REC114: variants seen among roughly 807,000 people sequenced by gnomAD.
REC114 encodes the protein meiotic recombination protein REC114.
REC114 carries 27 observed loss-of-function variants against 31.3 expected under a neutral mutation model. That is an observed-to-expected ratio of 0.86 (90% CI 0.64 to 1.19). REC114 has a LOEUF of 1.19. Ranked by LOEUF, REC114 falls within the 50% of genes most tolerant of loss-of-function variation. The pLI is 0.00. For synonymous variants in REC114, 134 were observed against 127.7 expected, an observed-to-expected ratio of 1.05 and a Z score of -0.33; for missense variants, 344 against 326.9, an observed-to-expected ratio of 1.05 and a Z score of -0.40.
intron 3 of REC114, among the ~76,000 whole-genome samples, chr15:73,542,946 C>G (rs1425081507): frequency 7.2e-6 from 1 of 138,144 alleles, no homozygotes; most frequent in Non-Finnish European, 1.6e-5. Context: ...GAAGTATACA[C>G]TTTTTTTTTT....
intron 2 of REC114, among the ~76,000 whole-genome samples, chr15:73,477,215 G>A (rs528533304): frequency 9.2e-4 from 140 of 152,096 alleles, no homozygotes; most frequent in Middle Eastern, 3.4e-3. Context: ...TCTTATATTC[G>A]AATTTAAAAA....
intron 2 of REC114, among the ~76,000 whole-genome samples, chr15:73,513,834 A>C (rs1012151749): frequency 1.9e-4 from 29 of 151,598 alleles, no homozygotes; most frequent in Admixed American, 3.3e-4. Context: ...TGGGAGAACC[A>C]CTGCTCTCTT....
At chr15:73,461,631 GAGA>G (rs1304373018) in intron 1 of REC114, among the ~76,000 whole-genome samples, 2 of 151,948 alleles carry the variant, frequency 1.3e-5, no homozygotes, top group Non-Finnish European at 2.9e-5. Context: ...TGTAAATTTT[GAGA>G]AGATTCTCTG....
intron 2 of REC114, among the ~76,000 whole-genome samples, chr15:73,536,831 A>T (rs535105105): frequency 2.6e-4 from 39 of 152,344 alleles, no homozygotes; most frequent in Non-Finnish European, 4.9e-4. Flanking sequence ...CCAAGAAATG[A>T]TACTGGTCCT....
chr15:73,480,296 A>G (rs1291842445), intron 2 of REC114, among the ~76,000 whole-genome samples: 1 of 151,420 alleles, frequency 6.6e-6, no homozygotes, highest in Non-Finnish European at 1.5e-5. Flanking sequence ...TTTGAAATGG[A>G]GTTTCGTTCT....
chr15:73,508,231 A>T (rs1893709636), intron 2 of REC114, among the ~76,000 whole-genome samples: 1 of 152,192 alleles, frequency 6.6e-6, no homozygotes, highest in Admixed American at 6.5e-5. Flanking sequence ...AATCAAAGGC[A>T]TAGAAATTAA....
intron 1 of REC114, among the ~76,000 whole-genome samples, chr15:73,460,119 G>T (rs1433560552): frequency 1.3e-5 from 2 of 152,028 alleles, no homozygotes; most frequent in Non-Finnish European, 2.9e-5. Flanking sequence ...TTTCCAACTT[G>T]GGACCAGTCT....
intron 1 of REC114, among the ~76,000 whole-genome samples, chr15:73,461,922 CTTT>C (rs961387922): frequency 9.0e-5 from 7 of 78,208 alleles, no homozygotes; most frequent in African/African-American, 2.0e-4. Flanking sequence ...TTTTTCTTTT[CTTT>C]TTTTTTTTTT....
intron 2 of REC114, among the ~76,000 whole-genome samples, chr15:73,518,496 A>G (rs1338101554): frequency 6.6e-6 from 1 of 152,194 alleles, no homozygotes; most frequent in Non-Finnish European, 1.5e-5. Context: ...GAGTCCCAGG[A>G]TTTACTTAAA....
intron 2 of REC114, among the ~76,000 whole-genome samples, chr15:73,520,453 A>T (rs575674725): frequency 7.6e-4 from 115 of 151,358 alleles, no homozygotes; most frequent in African/African-American, 2.2e-3. Context: ...CTGGTCTTGA[A>T]CTCCTGACCT....
intron 1 of REC114, among the ~76,000 whole-genome samples, chr15:73,469,011 T>G (rs1484998859): frequency 6.6e-6 from 1 of 152,188 alleles, no homozygotes; most frequent in Non-Finnish European, 1.5e-5. Flanking sequence ...CAACCAGAAC[T>G]TGTTCTGTGG....
chr15:73,509,849 G>GACAC (rs1349375639), intron 2 of REC114, among the ~76,000 whole-genome samples: 1 of 152,114 alleles, frequency 6.6e-6, no homozygotes, highest in African/African-American at 2.4e-5. Context: ...CTGTAGCCCT[G>GACAC]TAGTATAGTT....
intron 1 of REC114, among the ~76,000 whole-genome samples, chr15:73,461,281 TTA>T (rs372834455): frequency 2.6e-5 from 4 of 152,206 alleles, no homozygotes; most frequent in African/African-American, 9.6e-5. Flanking sequence ...TTGAAATAAT[TTA>T]TGAGACTCTT....
intron 3 of REC114, among the ~76,000 whole-genome samples, chr15:73,550,062 A>G (rs558214797): frequency 1.1e-4 from 17 of 152,236 alleles, no homozygotes; most frequent in Admixed American, 2.6e-4. Flanking sequence ...TAAGCTTAGC[A>G]TCTACATTTC....
chr15:73,484,747 T>C (rs1893343698), intron 2 of REC114, among the ~76,000 whole-genome samples: 1 of 152,258 alleles, frequency 6.6e-6, no homozygotes, highest in South Asian at 2.1e-4. Flanking sequence ...TGTCTTTACC[T>C]AGATATAATT....
rs769569268 is a variant in REC114 at position 73,462,884 on chromosome 15, C to CAAAAAA, written c.160-10930_160-10925dup. On this transcript the variant is annotated intron_variant, in intron 1 of 5. Transcript: ENST00000331090. ...TGGGCAACAGAGTGAGACTCCGTCTCAAAAAAAAAAAAAAAAAAAAAAATT... is the reference window on the plus strand; with the variant it reads ...TGGGCAACAGAGTGAGACTCCGTCTCAAAAAAAAAAAAAAAAAAAAAAAAAAAAATT... Among the ~76,000 whole-genome samples the CAAAAAA allele has an allele frequency of 3.0e-3, 166 of 55,640 alleles. 3 individuals are homozygous for CAAAAAA. The highest frequency in any genetic ancestry group is 9.1e-3 in the African/African-American group (129 of 14,180). 36.5% of individuals were successfully genotyped at this position (55,640 alleles called of 152,430 possible). A position where few individuals can be genotyped will look rare whatever the true frequency, so the allele number is the denominator to read the frequency against.
At chr15:73,449,027 C>T (rs752231192) in intron 1 of REC114, among the ~76,000 whole-genome samples, 23 of 152,098 alleles carry the variant, frequency 1.5e-4, no homozygotes, top group Admixed American at 1.2e-3. Flanking sequence ...GATAAATCCA[C>T]GAAGATGAGG....
intron 2 of REC114, among the ~76,000 whole-genome samples, chr15:73,535,243 C>T (rs1480227191): frequency 6.6e-6 from 1 of 150,378 alleles, no homozygotes; most frequent in Non-Finnish European, 1.5e-5. Flanking sequence ...CCAAATTGTC[C>T]CTGTTTGCAG....
At chr15:73,544,247 G>C (rs1465803347) in intron 3 of REC114, among the ~76,000 whole-genome samples, 1 of 152,050 alleles carries the variant, frequency 6.6e-6, no homozygotes, top group Non-Finnish European at 1.5e-5. Flanking sequence ...TTCCTCCTTT[G>C]ATCTATTGAC....
Sources: allele counts gnomAD v4.1 joint callset (sites outside exome capture counted in the v4.1 genomes callset), GRCh38; gene constraint gnomAD v4.1.1; transcripts MANE v1.5; gene names NCBI Gene and HGNC (gene_info 2026-07-23, HGNC 2026-07-21).